C12orf42: variants seen among roughly 807,000 people sequenced by gnomAD.
C12orf42 encodes uncharacterized protein C12orf42.
Under a neutral mutation model 21.6 loss-of-function variants are expected in C12orf42, and 25 were observed. The ratio of observed to expected loss-of-function variants is 1.16; its 90% confidence interval spans 0.84 to 1.62. The LOEUF (loss-of-function observed/expected upper bound fraction) is 1.62. C12orf42 is among the 40% of genes most tolerant of loss of function. The pLI, the probability that C12orf42 is intolerant of heterozygous loss-of-function variation, is 0.00. For synonymous variants in C12orf42, 174 were observed against 175.0 expected (o/e 0.99, Z 0.05); for missense variants, 483 against 459.3 (o/e 1.05, Z -0.47).
At chr12:103,451,009 A>T (rs912131018) in intron 2 of C12orf42, among the ~76,000 whole-genome samples, 1 of 152,048 alleles carries the variant, frequency 6.6e-6, no homozygotes, top group Admixed American at 6.6e-5. Flanking sequence ...TTATACGCAC[A>T]GTTGTTTTCA....
At chr12:103,343,354 G>T (rs2042321627) in intron 4 of C12orf42, among the ~76,000 whole-genome samples, 1 of 152,048 alleles carries the variant, frequency 6.6e-6, no homozygotes, top group South Asian at 2.1e-4. Context: ...TGAAATCAAA[G>T]ATTTTTTTGA....
At chr12:103,344,925 G>A (rs1199037184) in intron 4 of C12orf42, among the ~76,000 whole-genome samples, 1 of 152,212 alleles carries the variant, frequency 6.6e-6, no homozygotes, top group Non-Finnish European at 1.5e-5. Context: ...CTCTTCACAA[G>A]GTAGCTCTGG....
rs962663645 is a variant in C12orf42, at chr12:103,407,820, G to C, written c.79-6145C>G. 3.3e-5 allele frequency among the ~76,000 whole-genome samples: 5 copies of C among 152,270 alleles called. No homozygotes were observed. In the East Asian group the frequency reaches 9.6e-4, roughly 29 times the overall value. On this transcript the variant is annotated intron_variant, in intron 2 of 5. Transcript: ENST00000548883. ...TTGGGGAAGACCTCCTGTTGACAAA[G>C]AATTTTGCACCCTTTAGACAAATGA...
the C12orf42 span, among the ~76,000 whole-genome samples, chr12:103,186,294 A>G: frequency 6.6e-6 from 1 of 152,172 alleles, no homozygotes; most frequent in Admixed American, 6.5e-5. Flanking sequence ...TTACTCAAAG[A>G]CTGTCTTGTA....
At chr12:103,540,965 G>A in the C12orf42 span, among the ~76,000 whole-genome samples, 3 of 152,110 alleles carry the variant, frequency 2.0e-5, no homozygotes, top group Middle Eastern at 3.4e-3. Context: ...GTGCAGTGGT[G>A]CAGTCTTGGC....
chr12:103,121,513 C>T, the C12orf42 span, among the ~76,000 whole-genome samples: 1 of 152,174 alleles, frequency 6.6e-6, no homozygotes, highest in Non-Finnish European at 1.5e-5. Context: ...TGCATGATTT[C>T]TGTGCCATTT....
chr12:103,238,813 AG>A (rs1331175587), intron 10 of C12orf42, among the ~76,000 whole-genome samples: 2 of 152,202 alleles, frequency 1.3e-5, no homozygotes, highest in African/African-American at 4.8e-5. Context: ...CTAAAGGAAG[AG>A]GGACCAGGGA....
chr12:103,109,309 G>A, the C12orf42 span, among the ~76,000 whole-genome samples: 35 of 152,122 alleles, frequency 2.3e-4, no homozygotes, highest in Non-Finnish European at 7.4e-5. Flanking sequence ...AGGAGAGAGA[G>A]ACAGAATGTG....
At chr12:103,064,171 T>C in the C12orf42 span, among the ~76,000 whole-genome samples, 85,564 of 151,996 alleles carry the variant, frequency 0.56, 24,557 homozygotes, top group East Asian at 0.77. Flanking sequence ...CAATCCTTTG[T>C]GACATAGATT....
At chr12:103,543,881 T>G in the C12orf42 span, among the ~76,000 whole-genome samples, 37 of 88,942 alleles carry the variant, frequency 4.2e-4, no homozygotes, top group Admixed American at 2.4e-3. Context: ...GGTTTTTGGG[T>G]TTTTTTTTTG....
the C12orf42 span, among the ~76,000 whole-genome samples, chr12:103,533,673 T>C: frequency 2.6e-5 from 4 of 152,244 alleles, no homozygotes; most frequent in Non-Finnish European, 5.9e-5. Flanking sequence ...TCAAAAATGG[T>C]CAAATGTCTG....
At chr12:103,502,536 A>G in the C12orf42 span, among the ~76,000 whole-genome samples, 2 of 151,668 alleles carry the variant, frequency 1.3e-5, no homozygotes, top group Non-Finnish European at 2.9e-5. Context: ...TTGCAGGAAC[A>G]CTCTTTCCCA....
At chr12:103,388,536 C>A (rs1483644060) in intron 3 of C12orf42, among the ~76,000 whole-genome samples, 1 of 151,040 alleles carries the variant, frequency 6.6e-6, no homozygotes, top group South Asian at 2.1e-4. Flanking sequence ...TTTGTATTTG[C>A]AAAATGTTTA....
the C12orf42 span, among the ~76,000 whole-genome samples, chr12:103,185,505 CTCTTTCCT>C: frequency 2.0e-5 from 3 of 151,638 alleles, no homozygotes; most frequent in African/African-American, 7.3e-5. Flanking sequence ...TATTCCTTCC[CTCTTTCCT>C]TCTTTCCTTC....
At chr12:103,171,791 C>T in the C12orf42 span, among the ~76,000 whole-genome samples, 83 of 152,042 alleles carry the variant, frequency 5.5e-4, no homozygotes, top group Non-Finnish European at 1.0e-3. Flanking sequence ...GACAAGTCTT[C>T]TCCCTCTTCT....
At chr12:103,153,164 C>T in the C12orf42 span, among the ~76,000 whole-genome samples, 1 of 152,038 alleles carries the variant, frequency 6.6e-6, no homozygotes, top group Non-Finnish European at 1.5e-5. Context: ...ACATTGTGTA[C>T]CAAATTAAAT....
the C12orf42 span, among the ~76,000 whole-genome samples, chr12:103,214,570 A>C: frequency 6.6e-6 from 1 of 152,194 alleles, no homozygotes; most frequent in Non-Finnish European, 1.5e-5. Context: ...GATTTTAAAA[A>C]TTTATCCTGA....
intron 2 of C12orf42, among the ~76,000 whole-genome samples, chr12:103,440,161 A>G (rs1951087423): frequency 6.9e-6 from 1 of 144,842 alleles, no homozygotes; most frequent in Non-Finnish European, 1.5e-5. Context: ...CGCAAGAACA[A>G]AAAACCAAAC....
intron 1 of C12orf42, among the ~76,000 whole-genome samples, chr12:103,493,370 A>G (rs1955305579): frequency 6.6e-6 from 1 of 151,840 alleles, no homozygotes; most frequent in Non-Finnish European, 1.5e-5. Context: ...TTTCTGCCTC[A>G]GGGCCTTTGC....
Sources: allele counts gnomAD v4.1 joint callset (sites outside exome capture counted in the v4.1 genomes callset), GRCh38; gene constraint gnomAD v4.1.1; transcripts MANE v1.5; gene names NCBI Gene and HGNC (gene_info 2026-07-23, HGNC 2026-07-21).